The following STIM1 variants were observed in gnomAD, a reference collection of about 807,000 sequenced individuals.
STIM1 encodes stromal interaction molecule 1.
In STIM1, 25 loss-of-function variants were observed where a neutral mutation model predicts 74.7. The observed-to-expected ratio is 0.33, with a 90% CI of 0.24 to 0.47. The LOEUF (loss-of-function observed/expected upper bound fraction) is 0.47, where lower values mean the gene tolerates loss of function less well. Ranked by LOEUF, STIM1 falls within the 20% of genes least tolerant of loss-of-function variation. The probability of loss-of-function intolerance (pLI) is 1.00; values close to 1 mark genes in which losing one functional copy is unlikely to be tolerated. For synonymous variants in STIM1, 328 were observed against 348.8 expected (o/e 0.94, Z 0.66); for missense variants, 728 against 920.8 (o/e 0.79, Z 2.71).
Position 4,005,085 on chromosome 11 carries a change from A to G in STIM1, c.271-18788A>G, listed in dbSNP as rs1270515178. On this transcript the variant is annotated intron_variant, in intron 2 of 12. Coordinates refer to ENST00000526596, the MANE Select transcript of STIM1 (RefSeq NM_001382567.1). ...AATCATTAAAAAGTCAGGAAACAAC[A>G]GGTGCTGGAGAGGATGTGGAATAAT... Among the ~76,000 whole-genome samples, 3 of 152,190 alleles carry G rather than the reference A, an allele frequency of 2.0e-5. No individual in the cohort carries two copies. In the East Asian group the frequency reaches 5.8e-4, roughly 29 times the overall value.
chr11:3,967,729 T>A, intron 2 of STIM1, 47 bp downstream of exon 2: 1 of 1,613,070 alleles, frequency 6.2e-7, no homozygotes, highest in Non-Finnish European at 8.5e-7. Context: ...CCTGTGTGAA[T>A]TAGTCTTTGA....
chr11:3,861,679 C>A (rs907409267), intron 1 of STIM1, among the ~76,000 whole-genome samples: 1 of 152,098 alleles, frequency 6.6e-6, no homozygotes, highest in African/African-American at 2.4e-5. Flanking sequence ...TGGTTGGTTG[C>A]TCCATATGTA....
intron 1 of STIM1, among the ~76,000 whole-genome samples, chr11:3,876,305 C>T (rs2091305176): frequency 6.6e-6 from 1 of 152,098 alleles, no homozygotes; most frequent in Non-Finnish European, 1.5e-5. Flanking sequence ...ATAAACAGAC[C>T]TAGGTAGGAA....
chr11:4,049,336 T>G (rs2094219205), intron 3 of STIM1, among the ~76,000 whole-genome samples: 1 of 151,182 alleles, frequency 6.6e-6, no homozygotes, highest in Admixed American at 6.6e-5. Context: ...TTTTTTTTTT[T>G]TTTTTTGAGA....
chr11:3,935,209 G>A (rs1021456660), intron 1 of STIM1, among the ~76,000 whole-genome samples: 16 of 152,164 alleles, frequency 1.1e-4, no homozygotes, highest in African/African-American at 3.9e-4. Context: ...TTCTACCATT[G>A]TAAGGCCAAA....
intron 1 of STIM1, among the ~76,000 whole-genome samples, chr11:3,858,233 G>GTTTT (rs370455770): frequency 2.7e-5 from 4 of 146,074 alleles, no homozygotes; most frequent in Non-Finnish European, 4.5e-5. Flanking sequence ...TATTAGGAAG[G>GTTTT]TTTTTTTTTT....
At chr11:4,037,270 C>T (rs140339525) in intron 3 of STIM1, among the ~76,000 whole-genome samples, 40 of 152,182 alleles carry the variant, frequency 2.6e-4, no homozygotes, top group African/African-American at 8.2e-4. Context: ...TGACTGGTCT[C>T]GAACTCCTGA....
chr11:4,075,363 C>T (rs1010620107), intron 7 of STIM1, among the ~76,000 whole-genome samples: 12 of 152,148 alleles, frequency 7.9e-5, no homozygotes, highest in Middle Eastern at 3.4e-3. Flanking sequence ...TTCTCAGCAC[C>T]CCAGGAAACT....
intron 1 of STIM1, among the ~76,000 whole-genome samples, chr11:3,895,967 C>T (rs1177481906): frequency 2.0e-5 from 3 of 148,480 alleles, no homozygotes; most frequent in Non-Finnish European, 3.0e-5. Context: ...TGTAGTGGCG[C>T]GATCTCGGCT....
At chr11:4,040,553 C>CA (rs1288448901) in intron 3 of STIM1, among the ~76,000 whole-genome samples, 1 of 152,236 alleles carries the variant, frequency 6.6e-6, no homozygotes, top group Non-Finnish European at 1.5e-5. Context: ...ACACTAAATG[C>CA]AAAGATCTGT....
chr11:4,079,908 C>G (rs975756428), intron 7 of STIM1, among the ~76,000 whole-genome samples: 4 of 152,054 alleles, frequency 2.6e-5, no homozygotes, highest in African/African-American at 9.7e-5. Flanking sequence ...AGGTTGGGAC[C>G]CAGGTATCTG....
At chr11:4,090,154 C>A (rs942376813) in intron 12 of STIM1, among the ~76,000 whole-genome samples, 1 of 152,092 alleles carries the variant, frequency 6.6e-6, no homozygotes, top group Non-Finnish European at 1.5e-5. Context: ...GCTTGGCAGG[C>A]CTCATCATCT....
intron 2 of STIM1, among the ~76,000 whole-genome samples, chr11:3,977,403 A>C (rs2093458894): frequency 6.6e-6 from 1 of 152,176 alleles, no homozygotes; most frequent in African/African-American, 2.4e-5. Context: ...TCTGGTATAG[A>C]AGTATAACAC....
At chr11:3,871,222 G>C (rs1008132711) in intron 1 of STIM1, among the ~76,000 whole-genome samples, 1 of 152,084 alleles carries the variant, frequency 6.6e-6, no homozygotes. Flanking sequence ...TTCCCTCAGG[G>C]TCTTCTGCCA....
intron 1 of STIM1, among the ~76,000 whole-genome samples, chr11:3,871,155 C>T (rs945067255): frequency 5.9e-5 from 9 of 152,106 alleles, no homozygotes; most frequent in Admixed American, 2.0e-4. Context: ...GCGTGAGCCA[C>T]GACGCCCGGC....
intron 2 of STIM1, among the ~76,000 whole-genome samples, chr11:4,007,711 C>T (rs901441807): frequency 1.3e-5 from 2 of 152,196 alleles, no homozygotes; most frequent in Non-Finnish European, 2.9e-5. Flanking sequence ...CTGAATTGTG[C>T]TTTCAAACTC....
intron 5 of STIM1, among the ~76,000 whole-genome samples, chr11:4,061,898 A>G (rs900036261): frequency 5.9e-5 from 9 of 152,234 alleles, no homozygotes; most frequent in Admixed American, 1.3e-4. Flanking sequence ...ATCACATATT[A>G]TATGATTCTG....
intron 1 of STIM1, among the ~76,000 whole-genome samples, chr11:3,911,937 T>A (rs1005636654): frequency 6.6e-6 from 1 of 152,184 alleles, no homozygotes; most frequent in Non-Finnish European, 1.5e-5. Context: ...TCTATACCAC[T>A]TGGCCTAGTA....
rs116777734 is a variant in STIM1, at chr11:3,974,944, T to A, written c.270+7262T>A. Among the ~76,000 whole-genome samples, 615 of 152,316 alleles carry A rather than the reference T, an allele frequency of 4.0e-3. 2 individuals are homozygous for A. Among genetic ancestry groups the A allele is most frequent in the African/African-American group, 0.014 (583 of 41,570 alleles). On this transcript the variant is annotated intron_variant, in intron 2 of 12. Coordinates refer to ENST00000526596, the MANE Select transcript of STIM1 (RefSeq NM_001382567.1). ...GGACCAGACTTTTTGAGAGCAGTGC[T>A]ATTTTCTTTTCTGGAGCCTACATGG...
Sources: allele counts gnomAD v4.1 joint callset (sites outside exome capture counted in the v4.1 genomes callset), GRCh38; gene constraint gnomAD v4.1.1; transcripts MANE v1.5; gene names NCBI Gene and HGNC (gene_info 2026-07-23, HGNC 2026-07-21).